IL23R: variants seen among roughly 807,000 people sequenced by gnomAD.
IL23R encodes interleukin 23 receptor.
In IL23R, 34 loss-of-function variants were observed where a neutral mutation model predicts 56.9. The ratio of observed to expected loss-of-function variants is 0.60; its 90% CI spans 0.45 to 0.80. IL23R has a LOEUF of 0.80. Among genes scored for constraint, IL23R ranks in the 30% least tolerant of loss-of-function variants. The pLI is 0.00. For synonymous variants in IL23R, 230 were observed against 249.2 expected (o/e 0.92, Z 0.73); for missense variants, 635 against 730.0 (o/e 0.87, Z 1.50).
chr1:67,192,911 T>C (rs1308761648), intron 4 of IL23R, among the ~76,000 whole-genome samples: 1 of 152,140 alleles, frequency 6.6e-6, no homozygotes, highest in African/African-American at 2.4e-5. Flanking sequence ...CACATGCACC[T>C]CAGGCCATGT....
chr1:67,146,358 G>A (rs911835020), intron 1 of IL23R, among the ~76,000 whole-genome samples: 6 of 152,090 alleles, frequency 3.9e-5, no homozygotes, highest in African/African-American at 1.4e-4. Context: ...ATCTCTACAC[G>A]GGTGTGGTCT....
intron 6 of IL23R, among the ~76,000 whole-genome samples, chr1:67,216,854 A>C (rs920559241): frequency 2.0e-5 from 3 of 152,196 alleles, no homozygotes; most frequent in African/African-American, 7.2e-5. Flanking sequence ...TAAGACAGAA[A>C]ATGTGGAAAA....
chr1:67,251,386 A>G (rs926740475), intron 9 of IL23R, among the ~76,000 whole-genome samples: 1 of 149,108 alleles, frequency 6.7e-6, no homozygotes, highest in Non-Finnish European at 1.5e-5. Context: ...CAGGAGGTGG[A>G]GCTTGCAGTG....
At chr1:67,245,281 C>G (rs1652142503) in intron 9 of IL23R, among the ~76,000 whole-genome samples, 1 of 152,118 alleles carries the variant, frequency 6.6e-6, no homozygotes, top group Non-Finnish European at 1.5e-5. Flanking sequence ...TCCTCTTTTC[C>G]TAATTGAATA....
chr1:67,259,311 G>A lies in IL23R; in HGVS notation c.*183G>A. On this transcript the variant is annotated 3_prime_UTR_variant, in exon 11 of 11. Coordinates refer to ENST00000347310, the MANE Select transcript of IL23R (RefSeq NM_144701.3). ...TAGGTAGGGGATTGCTGGGCCATAT[G>A]ATAAGCATATGTTTCAGTTCTACCA... The A allele has an allele frequency of 1.6e-6, 1 of 631,220 alleles. No homozygotes were observed. 39.1% of individuals were successfully genotyped at this position (631,220 alleles called of 1,614,324 possible).
intron 4 of IL23R, among the ~76,000 whole-genome samples, chr1:67,195,136 C>T (rs574665457): frequency 3.9e-5 from 6 of 152,312 alleles, no homozygotes; most frequent in Non-Finnish European, 7.3e-5. Flanking sequence ...ATCTCCTGGG[C>T]TCAGGCAATC....
chr1:67,200,757 A>C lies in IL23R; in HGVS notation c.512A>C (p.Gln171Pro). The C allele has an allele frequency of 3.7e-6, 6 of 1,613,964 alleles. No homozygotes were observed. Among genetic ancestry groups the C allele is most frequent in the Non-Finnish European group, 5.1e-6 (6 of 1,179,916 alleles). ...HVKSLETEEE[Q>P]QYLTSSYINI... is the part of the protein sequence containing the mutation. Reference sequence around the variant, plus strand: ...TTAAGTTTAGAGACAGAAGAAGAGCAACAGTATCTCACCTCAAGCTATATT... The same window carrying C: ...TTAAGTTTAGAGACAGAAGAAGAGCCACAGTATCTCACCTCAAGCTATATT... Residue 171 changes from glutamine (Q) to proline (P), a missense_variant, in exon 5 of 11, where the codon CAA becomes CCA. Physicochemically the swap from Gln to Pro is moderately conservative, Grantham distance 76. Coordinates refer to ENST00000347310, the MANE Select transcript of IL23R (RefSeq NM_144701.3).
chr1:67,253,940 A>G (rs2100380899), intron 9 of IL23R, among the ~76,000 whole-genome samples: 1 of 152,334 alleles, frequency 6.6e-6, no homozygotes, highest in African/African-American at 2.4e-5. Flanking sequence ...AAAACAAGAC[A>G]TAATTCCAAT....
At chr1:67,218,306 A>G (rs1327717429) in intron 6 of IL23R, among the ~76,000 whole-genome samples, 1 of 145,250 alleles carries the variant, frequency 6.9e-6, no homozygotes, top group East Asian at 2.0e-4. Context: ...ACATATATAC[A>G]TATATACACA....
At chr1:67,216,892 C>T (rs939859206) in intron 6 of IL23R, among the ~76,000 whole-genome samples, 3 of 152,048 alleles carry the variant, frequency 2.0e-5, no homozygotes, top group Admixed American at 2.0e-4. Flanking sequence ...AATAAGTTTC[C>T]CCATCACCAC....
At chr1:67,262,534 G>A (rs541060942), downstream of IL23R, among the ~76,000 whole-genome samples, 5 of 152,218 alleles carry the variant, frequency 3.3e-5, no homozygotes, top group Admixed American at 3.3e-4. Flanking sequence ...TCCTTCTATA[G>A]AGAAAGCCTT....
rs114242909 is a variant in IL23R at position 67,236,437 on chromosome 1, G to A, written c.956-276G>A. 9.5e-3 allele frequency among the ~76,000 whole-genome samples: 1,447 copies of A among 152,326 alleles called. 24 individuals carry two copies. Among genetic ancestry groups the A allele is most frequent in the African/African-American group, 0.033 (1,351 of 41,562 alleles). On this transcript the variant is annotated intron_variant, in intron 7 of 10. Transcript: ENST00000347310. ...GCTCTTTGGTATTTGCTGCCTAGAA[G>A]CCTCATGAAATTAGTGGACACACCT... is the stretch of plus-strand genomic sequence containing the variant.
intron 3 of IL23R, 34 bp downstream of exon 3, chr1:67,169,672 A>C: frequency 6.3e-7 from 1 of 1,586,378 alleles, no homozygotes; most frequent in Admixed American, 1.7e-5. Context: ...ATGCAAACAA[A>C]AGCTAGTTTA....
At chr1:67,215,724 CT>C (rs1649789193) in intron 6 of IL23R, among the ~76,000 whole-genome samples, 1 of 152,208 alleles carries the variant, frequency 6.6e-6, no homozygotes, top group Non-Finnish European at 1.5e-5. Flanking sequence ...ATGGTAGCAT[CT>C]TTCCAAACAA....
At chr1:67,227,220 A>C (rs1650677138) in intron 7 of IL23R, among the ~76,000 whole-genome samples, 1 of 152,266 alleles carries the variant, frequency 6.6e-6, no homozygotes, top group Admixed American at 6.5e-5. Context: ...GACTTAAAAA[A>C]GCTGAAACAA....
chr1:67,174,056 T>C (rs1285036366), intron 3 of IL23R, among the ~76,000 whole-genome samples: 1 of 152,204 alleles, frequency 6.6e-6, no homozygotes, highest in Non-Finnish European at 1.5e-5. Flanking sequence ...TATTTAACCT[T>C]ATTTTGGAAA....
intron 1 of IL23R, among the ~76,000 whole-genome samples, chr1:67,150,652 TAAAAA>T (rs3052338): frequency 1.0e-5 from 1 of 95,900 alleles, no homozygotes; most frequent in Non-Finnish European, 2.1e-5. Context: ...GAACTTAAAG[TAAAAA>T]AAAAAAAAAA....
chr1:67,226,948 G>T (rs1444145694), intron 7 of IL23R, among the ~76,000 whole-genome samples: 1 of 152,190 alleles, frequency 6.6e-6, no homozygotes, highest in Non-Finnish European at 1.5e-5. Context: ...TAGGACTGTT[G>T]TCGTAATTAA....
chr1:67,173,578 C>T (rs1646970928), intron 3 of IL23R, among the ~76,000 whole-genome samples: 1 of 152,140 alleles, frequency 6.6e-6, no homozygotes. Context: ...ACTTGGAGCC[C>T]AGTTTCTCTC....
Sources: gnomAD v4.1 joint callset for allele counts (sites outside exome capture counted in the v4.1 genomes callset) on GRCh38, gnomAD v4.1.1 for gene constraint, MANE v1.5 for transcripts, NCBI Gene and HGNC (gene_info 2026-07-23, HGNC 2026-07-21) for gene names.